The following FBXL17 variants were observed in gnomAD, a reference collection of about 807,000 sequenced individuals.
FBXL17 encodes the protein F-box/LRR-repeat protein 17.
In FBXL17, 22 loss-of-function variants were observed where a neutral mutation model predicts 66.2. The observed-to-expected ratio is 0.33, with a 90% confidence interval of 0.24 to 0.47. The LOEUF (loss-of-function observed/expected upper bound fraction) is 0.47, where lower values mean the gene tolerates loss of function less well. Among genes scored for constraint, FBXL17 ranks in the 20% least tolerant of loss-of-function variants. The pLI, the probability that FBXL17 is intolerant of heterozygous loss-of-function variation, is 1.00. For missense variants in FBXL17, 878 were observed against 948.2 expected, an observed-to-expected ratio of 0.93 and a Z score of 0.97; for synonymous variants, 474 against 400.5, an observed-to-expected ratio of 1.18 and a Z score of -2.19.
At chr5:108,187,341 C>T (rs1287660561) in intron 5 of FBXL17, among the ~76,000 whole-genome samples, 2 of 152,128 alleles carry the variant, frequency 1.3e-5, no homozygotes, top group Non-Finnish European at 2.9e-5. Flanking sequence ...ATACCCCTCC[C>T]ACCAAAGATA....
chr5:108,355,212 G>A (rs1747901084), intron 3 of FBXL17, among the ~76,000 whole-genome samples: 1 of 151,482 alleles, frequency 6.6e-6, no homozygotes, highest in Non-Finnish European at 1.5e-5. Flanking sequence ...ACATATATAT[G>A]CTTATATATG....
intron 7 of FBXL17, among the ~76,000 whole-genome samples, chr5:107,942,384 C>T (rs1004656030): frequency 3.3e-5 from 5 of 152,208 alleles, no homozygotes; most frequent in African/African-American, 1.2e-4. Context: ...TGTATAACCT[C>T]TGCTGCAATT....
chr5:108,159,256 T>A (rs931262552), intron 6 of FBXL17, among the ~76,000 whole-genome samples: 2 of 152,188 alleles, frequency 1.3e-5, no homozygotes, highest in Non-Finnish European at 2.9e-5. Flanking sequence ...CAAAACACGA[T>A]GAAATTTGAT....
chr5:108,360,685 A>G (rs2112548232), intron 3 of FBXL17, among the ~76,000 whole-genome samples: 1 of 151,844 alleles, frequency 6.6e-6, no homozygotes, highest in South Asian at 2.1e-4. Context: ...TGCCCCTTTT[A>G]TTTCTCCTTT....
intron 6 of FBXL17, among the ~76,000 whole-genome samples, chr5:108,100,964 CAA>C (rs1014843089): frequency 1.3e-5 from 2 of 151,274 alleles, no homozygotes; most frequent in African/African-American, 4.9e-5. Flanking sequence ...AATTCTGCAG[CAA>C]AAAAAAATTT....
intron 6 of FBXL17, among the ~76,000 whole-genome samples, chr5:108,152,052 G>A (rs1751792281): frequency 6.6e-6 from 1 of 152,030 alleles, no homozygotes; most frequent in Non-Finnish European, 1.5e-5. Context: ...TTGAATCGCT[G>A]GTGAACCTGA....
intron 7 of FBXL17, among the ~76,000 whole-genome samples, chr5:107,958,687 A>C (rs1025405999): frequency 6.6e-6 from 1 of 152,136 alleles, no homozygotes; most frequent in Non-Finnish European, 1.5e-5. Context: ...CATGCCCCTA[A>C]AACAACAGTT....
At chr5:108,342,387 A>G (rs1007709994) in intron 4 of FBXL17, among the ~76,000 whole-genome samples, 1 of 152,284 alleles carries the variant, frequency 6.6e-6, no homozygotes, top group East Asian at 1.9e-4. Flanking sequence ...ATTTTCCTAG[A>G]AAAATTTTTA....
chr5:107,958,594 A>C (rs991461434), intron 7 of FBXL17, among the ~76,000 whole-genome samples: 1 of 152,160 alleles, frequency 6.6e-6, no homozygotes, highest in Admixed American at 6.5e-5. Flanking sequence ...GATAGCTCTT[A>C]TGTGCTCCTC....
chr5:108,161,500 A>AC (rs397739285), intron 6 of FBXL17, among the ~76,000 whole-genome samples: 4 of 146,972 alleles, frequency 2.7e-5, no homozygotes, highest in South Asian at 4.5e-4. Context: ...AAACAAACAA[A>AC]AAAACCCACA....
intron 4 of FBXL17, among the ~76,000 whole-genome samples, chr5:108,336,660 G>C (rs1760396269): frequency 6.6e-6 from 1 of 152,032 alleles, no homozygotes; most frequent in South Asian, 2.1e-4. Flanking sequence ...AAGACATTAA[G>C]TTTCAAAATC....
chr5:107,955,780 A>G (rs1383984071), intron 7 of FBXL17, among the ~76,000 whole-genome samples: 1 of 152,200 alleles, frequency 6.6e-6, no homozygotes, highest in Admixed American at 6.5e-5. Flanking sequence ...TGGTTTCAGA[A>G]TAGCCCACCT....
intron 6 of FBXL17, among the ~76,000 whole-genome samples, chr5:108,109,190 AG>A (rs1209345426): frequency 6.6e-6 from 1 of 152,286 alleles, no homozygotes; most frequent in South Asian, 2.1e-4. Context: ...AGAACTGATG[AG>A]GGTCAGGACA....
At chr5:108,294,421 A>C (rs1162768791) in intron 4 of FBXL17, among the ~76,000 whole-genome samples, 1 of 151,814 alleles carries the variant, frequency 6.6e-6, no homozygotes, top group Non-Finnish European at 1.5e-5. Flanking sequence ...GTAGGCTCCC[A>C]AAAAATACTT....
intron 7 of FBXL17, among the ~76,000 whole-genome samples, chr5:107,908,796 G>A (rs1161258554): frequency 6.6e-6 from 1 of 152,144 alleles, no homozygotes; most frequent in African/African-American, 2.4e-5. Context: ...GCTAGCATCA[G>A]GGTGGGAAAT....
intron 6 of FBXL17, among the ~76,000 whole-genome samples, chr5:108,089,333 C>T (rs1184371116): frequency 1.3e-5 from 2 of 152,156 alleles, no homozygotes; most frequent in Non-Finnish European, 2.9e-5. Context: ...GCTTTTGCCT[C>T]AATTTCCATC....
chr5:108,208,968 G>A (rs1470430943), intron 5 of FBXL17, among the ~76,000 whole-genome samples: 1 of 152,124 alleles, frequency 6.6e-6, no homozygotes, highest in Non-Finnish European at 1.5e-5. Flanking sequence ...CCATTTGTTT[G>A]TGTCCTCTGT....
At chr5:108,269,480 A>C (rs148082823) in intron 4 of FBXL17, among the ~76,000 whole-genome samples, 95 of 152,234 alleles carry the variant, frequency 6.2e-4, no homozygotes, top group African/African-American at 2.2e-3. Context: ...AATGCCATCA[A>C]ATTTGGTTAT....
At chr5:107,963,621 G>A (rs1752004626) in intron 7 of FBXL17, among the ~76,000 whole-genome samples, 1 of 151,546 alleles carries the variant, frequency 6.6e-6, no homozygotes, top group South Asian at 2.1e-4. Context: ...TTTCTTTTAG[G>A]GTTATTGTAA....
Sources: allele counts gnomAD v4.1 joint callset (sites outside exome capture counted in the v4.1 genomes callset), GRCh38; gene constraint gnomAD v4.1.1; transcripts MANE v1.5; gene names NCBI Gene and HGNC (gene_info 2026-07-23, HGNC 2026-07-21).